BRWD1: variants seen among roughly 807,000 people sequenced by gnomAD.
The protein encoded by BRWD1 is bromodomain and WD repeat-containing protein 1.
Under a neutral mutation model 251.2 loss-of-function variants are expected in BRWD1, and 82 were observed. The ratio of observed to expected loss-of-function variants is 0.33; its 90% CI spans 0.27 to 0.39. The LOEUF (loss-of-function observed/expected upper bound fraction) is 0.39, where lower values mean the gene tolerates loss of function less well. Ranked by LOEUF, BRWD1 falls within the 10% of genes least tolerant of loss-of-function variation. BRWD1 has a pLI of 1.00. For synonymous variants in BRWD1, 918 were observed against 902.8 expected (o/e 1.02, Z -0.30); for missense variants, 2,233 against 2,711.6 (o/e 0.82, Z 3.92).
chr21:39,199,201 T>C lies in BRWD1; in HGVS notation c.5215A>G (p.Lys1739Glu), dbSNP rs781053499. The C allele has an allele frequency of 2.5e-6, 4 of 1,614,186 alleles. No individual in the cohort carries two copies. Among genetic ancestry groups the C allele is most frequent in the Non-Finnish European group, 3.4e-6 (4 of 1,180,038 alleles). The change falls in exon 40 of 41, where the codon AAG becomes GAG. Residue 1739 changes from lysine to glutamate, a missense_variant. This residue lies in a region of BRWD1 where 928 missense variants were observed against 970.0 expected (regional missense o/e 0.96). Transcript: ENST00000342449. ...ARKNWHANGY[K>E]SHTPAPSKTK... ...TTTGAAGGTGCTGGAGTATGGGACT[T>C]GTAACCATTAGCATGCCAATTTTTC...
At chr21:39,270,160 T>G in intron 14 of BRWD1, 123 bp downstream of exon 14, 1 of 1,191,316 alleles carries the variant, frequency 8.4e-7, no homozygotes, top group Non-Finnish European at 1.1e-6. Flanking sequence ...TTATAAAAAT[T>G]TCTAATCATT....
At chr21:39,203,751 A>G (rs941470677) in intron 37 of BRWD1, among the ~76,000 whole-genome samples, 5 of 151,218 alleles carry the variant, frequency 3.3e-5, no homozygotes, top group Admixed American at 3.3e-4. Flanking sequence ...TTTAAGTGGT[A>G]TCTAGACATT....
upstream of BRWD1, among the ~76,000 whole-genome samples, chr21:39,317,648 G>A (rs1292086720): frequency 6.6e-6 from 1 of 152,234 alleles, no homozygotes; most frequent in Non-Finnish European, 1.5e-5. Context: ...ACACAGGATT[G>A]CACAGCTAGC....
At chr21:39,212,603 C>A (rs1402237933) in intron 34 of BRWD1, 63 bp downstream of exon 34, 16 of 1,322,062 alleles carry the variant, frequency 1.2e-5, no homozygotes, top group Non-Finnish European at 1.6e-5. Flanking sequence ...AAACTAAAAT[C>A]CTGAATTGAT....
At chr21:39,271,505 C>A (rs1045102194) in intron 13 of BRWD1, among the ~76,000 whole-genome samples, 3 of 150,744 alleles carry the variant, frequency 2.0e-5, no homozygotes, top group Non-Finnish European at 4.4e-5. Context: ...CTGGCTAACA[C>A]GGTGAAACCT....
In BRWD1 at chr21:39,313,109, C is replaced by A. The variant is rs1242385708; in HGVS notation, c.109-8G>T. 6.7e-7 allele frequency: 1 copy of A among 1,496,046 alleles called. No individual in the cohort carries two copies. Among genetic ancestry groups the A allele is most frequent in the Non-Finnish European group, 8.9e-7 (1 of 1,124,972 alleles). The allele number at this position is 1,496,046 out of a possible 1,614,324, so 92.7% of individuals were successfully genotyped here. A position where few individuals can be genotyped will look rare whatever the true frequency, so the allele number is the denominator to read the frequency against. ...CAGCTCCTGCACCAGCACCTGCGGC[C>A]GAGAGACGCGCGGTCAGGGGTGGGG... On this transcript the variant is annotated splice_region_variant and splice_polypyrimidine_tract_variant and intron_variant, in intron 2 of 40. Coordinates refer to ENST00000342449, the MANE Select transcript of BRWD1 (RefSeq NM_033656.4).
At chr21:39,312,370 G>A (rs1055714289) in intron 4 of BRWD1, among the ~76,000 whole-genome samples, 4 of 152,206 alleles carry the variant, frequency 2.6e-5, no homozygotes, top group Non-Finnish European at 2.9e-5. Context: ...AAAATAAAAA[G>A]CTCAACACAA....
chr21:39,187,486 TTCC>T lies in BRWD1; in HGVS notation c.*8770_*8772del. The T allele has an allele frequency of 1.3e-6, 2 of 1,488,798 alleles. No homozygotes were observed. Among genetic ancestry groups the T allele is most frequent in the Non-Finnish European group, 1.8e-6 (2 of 1,122,894 alleles). The allele number at this position is 1,488,798 out of a possible 1,614,324, so 92.2% of individuals were successfully genotyped here. ...ACACAAGATTTTACTACTGCTAACATTCCTCAACAACACTCATTCGGAAACAAT... is the reference window on the plus strand; with the variant it reads ...ACACAAGATTTTACTACTGCTAACATTCAACAACACTCATTCGGAAACAAT... On this transcript the variant is annotated 3_prime_UTR_variant, in exon 41 of 41. Transcript: ENST00000342449.
At position 39,196,950 on chromosome 21, in the gene BRWD1, G is replaced by A; in HGVS notation, c.6119C>T (p.Ala2040Val). The A allele has an allele frequency of 6.2e-7, 1 of 1,613,902 alleles. No homozygotes were observed. The highest frequency in any genetic ancestry group is 8.5e-7 in the Non-Finnish European group (1 of 1,179,908). Residue 2040 changes from alanine to valine, a missense_variant, in exon 41 of 41, where the codon GCA becomes GTA. Around this residue, in one of 12 missense-constraint regions of BRWD1, gnomAD observed 928 missense variants for 970.0 expected, o/e 0.96. Coordinates refer to ENST00000342449, the MANE Select transcript of BRWD1 (RefSeq NM_033656.4). Reference protein sequence around the residue: ...HRHTNIHKIDAPSKRKSSSVT... With the variant: ...HRHTNIHKIDVPSKRKSSSVT... ...AGAGGAACTTTTTCTTTTAGAAGGT[G>A]CATCTATTTTGTGAATATTGGTATG... is the stretch of plus-strand genomic sequence containing the variant.
At chr21:39,239,977 A>G (rs2033933831) in intron 21 of BRWD1, among the ~76,000 whole-genome samples, 1 of 152,206 alleles carries the variant, frequency 6.6e-6, no homozygotes, top group Non-Finnish European at 1.5e-5. Context: ...CAAATCTTGG[A>G]AGCAACCAAC....
chr21:39,205,802 G>A (rs2032360433), intron 37 of BRWD1, among the ~76,000 whole-genome samples: 1 of 151,852 alleles, frequency 6.6e-6, no homozygotes, highest in Admixed American at 6.6e-5. Flanking sequence ...TAAATAGGCT[G>A]GGCGTGGTGG....
chr21:39,184,911 A>C (rs2146422611), downstream of BRWD1: 1 of 152,282 alleles, frequency 6.6e-6, no homozygotes, highest in African/African-American at 2.4e-5. Context: ...CACTTGTCTT[A>C]GTCCTTTTGT....
chr21:39,259,550 G>A (rs1024287126), intron 17 of BRWD1, among the ~76,000 whole-genome samples: 9 of 151,992 alleles, frequency 5.9e-5, no homozygotes, highest in East Asian at 1.9e-4. Context: ...CACCCACCTC[G>A]ACCTCCCAAA....
chr21:39,286,810 G>A (rs941473467), intron 8 of BRWD1, among the ~76,000 whole-genome samples: 5 of 152,062 alleles, frequency 3.3e-5, no homozygotes, highest in South Asian at 2.1e-4. Context: ...CACTGCGCCC[G>A]GCCCATTTTT....
In BRWD1 at chr21:39,188,608, T is replaced by G; in HGVS notation, c.*7651A>C. ...CAGATGAGTACAGGTAAAAACTGCT[T>G]CTGTGGACTGACATGTTCATACAGC... On this transcript the variant is annotated 3_prime_UTR_variant, in exon 41 of 41. Coordinates refer to ENST00000342449, the MANE Select transcript of BRWD1 (RefSeq NM_033656.4). 1 of 985,416 alleles carries G rather than the reference T, an allele frequency of 1.0e-6. No homozygotes were observed. Among genetic ancestry groups the G allele is most frequent in the East Asian group, 1.1e-4 (1 of 8,812 alleles). 61.0% of individuals were successfully genotyped at this position (985,416 alleles called of 1,614,324 possible). A position where few individuals can be genotyped will look rare whatever the true frequency, so the allele number is the denominator to read the frequency against.
chr21:39,274,383 C>T lies in BRWD1; in HGVS notation c.1235G>A (p.Arg412Lys). Reference sequence around the variant, plus strand: ...AACAATCTCAACTTACCCTGAGATTCTGGTAGCCATATCCAATAAAATGCT... The same window carrying T: ...AACAATCTCAACTTACCCTGAGATTTTGGTAGCCATATCCAATAAAATGCT... ...WRSILLDMAT[R>K]ISGDLSSEEE... The change falls in exon 13 of 41, where the codon AGA becomes AAA. Residue 412 changes from arginine (R) to lysine (K), a missense_variant. Physicochemically the swap from Arg to Lys is conservative, Grantham distance 26 (BLOSUM62 2). This residue lies in a region of BRWD1 where 315 missense variants were observed against 421.8 expected (regional missense o/e 0.75). Coordinates refer to ENST00000342449, the MANE Select transcript of BRWD1 (RefSeq NM_033656.4). The T allele has an allele frequency of 6.2e-7, 1 of 1,612,956 alleles. No individual in the cohort carries two copies. Among genetic ancestry groups the T allele is most frequent in the Non-Finnish European group, 8.5e-7 (1 of 1,179,044 alleles).
At chr21:39,214,816 CTAAAG>C (rs1455266247) in intron 32 of BRWD1, among the ~76,000 whole-genome samples, 3 of 150,618 alleles carry the variant, frequency 2.0e-5, no homozygotes, top group African/African-American at 7.3e-5. Context: ...GAAATGTCAT[CTAAAG>C]TAAAGCATTA....
At chr21:39,202,285 G>T in intron 38 of BRWD1, 40 bp downstream of exon 38, 3 of 1,478,450 alleles carry the variant, frequency 2.0e-6, no homozygotes, top group Non-Finnish European at 1.9e-6. Flanking sequence ...TACACATTTG[G>T]GTGCTCAGCA....
chr21:39,228,306 G>A (rs867938832), intron 27 of BRWD1, among the ~76,000 whole-genome samples, 194 bp downstream of exon 27: 14 of 151,894 alleles, frequency 9.2e-5, no homozygotes, highest in South Asian at 6.2e-4. Context: ...ACCGTCCCCC[G>A]GCCCCTACCA....
Sources: gnomAD v4.1 joint callset for allele counts (sites outside exome capture counted in the v4.1 genomes callset) on GRCh38, gnomAD v4.1.1 for gene constraint, gnomAD v4.1.1 regional missense constraint, MANE v1.5 for transcripts, NCBI Gene and HGNC (gene_info 2026-07-23, HGNC 2026-07-21) for gene names.